SULF1: variants seen among roughly 807,000 people sequenced by gnomAD.
SULF1 encodes the protein extracellular sulfatase Sulf-1.
SULF1 carries 46 observed loss-of-function variants against 110.5 expected under a neutral mutation model. The observed-to-expected ratio is 0.42, with a 90% confidence interval of 0.33 to 0.53. The LOEUF (loss-of-function observed/expected upper bound fraction) is 0.53. SULF1 is among the 20% of genes least tolerant of loss of function. SULF1 has a pLI of 0.12. For synonymous variants in SULF1, 371 were observed against 387.1 expected (o/e 0.96, Z 0.49); for missense variants, 941 against 1,094.2 (o/e 0.86, Z 1.98).
At chr8:69,564,275 G>C in intron 5 of SULF1, 128 bp downstream of exon 5, 1 of 1,118,342 alleles carries the variant, frequency 8.9e-7, no homozygotes. Context: ...CCTAGTTTAC[G>C]CAATGAACTT....
At position 69,640,791 on chromosome 8, in the gene SULF1, G is replaced by C; in HGVS notation, c.2552-17G>C. The C allele has an allele frequency of 1.2e-6, 2 of 1,606,676 alleles. No individual in the cohort carries two copies. Among genetic ancestry groups the C allele is most frequent in the South Asian group, 1.1e-5 (1 of 89,918 alleles). On this transcript the variant is annotated splice_polypyrimidine_tract_variant and intron_variant, in intron 21 of 22. Coordinates refer to ENST00000402687, the MANE Select transcript of SULF1 (RefSeq NM_001128205.2). ...TCTAAAGCTAACAGAAATTACTCTT[G>C]TATTTTCCTATATCAGGAAATAAAG...
chr8:69,562,448 G>A (rs925556504), intron 3 of SULF1, among the ~76,000 whole-genome samples: 4 of 152,180 alleles, frequency 2.6e-5, no homozygotes, highest in Non-Finnish European at 2.9e-5. Context: ...AGATTCTCAG[G>A]TGTATGGGGA....
chr8:69,486,220 G>A (rs1005045263), intron 1 of SULF1, among the ~76,000 whole-genome samples: 7 of 152,176 alleles, frequency 4.6e-5, no homozygotes, highest in Middle Eastern at 3.4e-3. Flanking sequence ...GAAACTGAAC[G>A]ATACCGAGTC....
intron 1 of SULF1, among the ~76,000 whole-genome samples, chr8:69,477,968 C>T (rs556981750): frequency 1.3e-5 from 2 of 151,980 alleles, no homozygotes; most frequent in Non-Finnish European, 1.5e-5. Flanking sequence ...TAGATCCTCC[C>T]ACCTCAGCCT....
chr8:69,560,512 G>C (rs1251663285), intron 3 of SULF1, among the ~76,000 whole-genome samples: 1 of 152,056 alleles, frequency 6.6e-6, no homozygotes, highest in Non-Finnish European at 1.5e-5. Context: ...CTTATATCCT[G>C]GTCTTGACTG....
chr8:69,478,856 C>T (rs939790563), intron 1 of SULF1, among the ~76,000 whole-genome samples: 3 of 152,124 alleles, frequency 2.0e-5, no homozygotes, highest in African/African-American at 7.2e-5. Flanking sequence ...GGTGGTAGAG[C>T]CAGTACATCC....
chr8:69,576,016 G>A lies in SULF1; in HGVS notation c.219G>A (p.Gly73=), dbSNP rs141505559. ...MNKTRKIMEH[G]GATFINAFVT... is the part of the protein sequence containing the mutation. ...AAACGAGAAAGATTATGGAACATGG[G>A]GGGGCCACCTTCATCAATGCCTTTG... The change falls in exon 6 of 23, where the codon GGG becomes GGA. Residue 73 remains glycine (G), a synonymous_variant. Transcript: ENST00000402687. The A allele has an allele frequency of 1.9e-5, 31 of 1,614,060 alleles. No individual in the cohort carries two copies. In the African/African-American group the frequency reaches 3.1e-4, roughly 16 times the overall value.
chr8:69,507,145 A>G (rs895278536), intron 3 of SULF1, among the ~76,000 whole-genome samples: 1 of 152,230 alleles, frequency 6.6e-6, no homozygotes, highest in African/African-American at 2.4e-5. Context: ...CTGGATTCTT[A>G]CAACACCATG....
intron 6 of SULF1, among the ~76,000 whole-genome samples, chr8:69,580,518 T>A (rs1234139909): frequency 6.6e-6 from 1 of 152,190 alleles, no homozygotes. Context: ...AGTTTTCCAA[T>A]CTGTATGATG....
chr8:69,601,496 G>A (rs1807800152), intron 9 of SULF1, among the ~76,000 whole-genome samples, 158 bp from the exon 10 acceptor site: 1 of 152,114 alleles, frequency 6.6e-6, no homozygotes, highest in South Asian at 2.1e-4. Context: ...TTCCCTCCCA[G>A]ACTGTAAGCA....
chr8:69,531,308 A>G (rs1308272846), intron 3 of SULF1, among the ~76,000 whole-genome samples: 6 of 152,198 alleles, frequency 3.9e-5, no homozygotes, highest in African/African-American at 4.8e-5. Flanking sequence ...ACAGTTTTCA[A>G]ATACATTGTT....
In SULF1 at chr8:69,577,427, C is replaced by T. The variant is rs377443664; in HGVS notation, c.412+1218C>T. ...TCAGAAACAGAATCAGAGGCGGTTCCCTAATAACCGGTTCCTGATTTTAAC... is the reference window on the plus strand; with the variant it reads ...TCAGAAACAGAATCAGAGGCGGTTCTCTAATAACCGGTTCCTGATTTTAAC... On this transcript the variant is annotated intron_variant, in intron 6 of 22. Transcript: ENST00000402687. 5.3e-5 allele frequency among the ~76,000 whole-genome samples: 8 copies of T among 152,268 alleles called. No individual in the cohort carries two copies. The South Asian group carries it at 1.5e-3, about 28-fold the overall frequency.
intron 1 of SULF1, among the ~76,000 whole-genome samples, chr8:69,483,188 G>A (rs1041447371): frequency 3.9e-5 from 6 of 152,166 alleles, no homozygotes; most frequent in South Asian, 4.1e-4. Context: ...CCAAGGGAAC[G>A]AGGGAGACTG....
At chr8:69,581,525 T>C (rs1806061434) in intron 6 of SULF1, among the ~76,000 whole-genome samples, 2 of 152,202 alleles carry the variant, frequency 1.3e-5, no homozygotes, top group African/African-American at 2.4e-5. Flanking sequence ...AGGGAAGTGC[T>C]TAATGGTATC....
intron 8 of SULF1, among the ~76,000 whole-genome samples, chr8:69,599,023 C>T (rs1205404339): frequency 1.3e-5 from 2 of 152,120 alleles, no homozygotes; most frequent in Non-Finnish European, 2.9e-5. Context: ...AATATAATAG[C>T]AGGTGGCATT....
chr8:69,484,677 T>G (rs1405146726), intron 1 of SULF1, among the ~76,000 whole-genome samples: 5 of 152,174 alleles, frequency 3.3e-5, no homozygotes, highest in Non-Finnish European at 7.3e-5. Flanking sequence ...CAAAAAGTGA[T>G]GCCCAGGCTC....
intron 3 of SULF1, among the ~76,000 whole-genome samples, chr8:69,547,249 G>A (rs1351125423): frequency 1.3e-5 from 2 of 152,100 alleles, no homozygotes; most frequent in Non-Finnish European, 2.9e-5. Context: ...GTTGTGAAAA[G>A]CAAATTTGAT....
At chr8:69,469,145 C>T (rs1808980686) in intron 1 of SULF1, 1 of 152,234 alleles carries the variant, frequency 6.6e-6, no homozygotes, top group South Asian at 2.1e-4. Flanking sequence ...AGGGCAATCC[C>T]AGCTTCTTGT....
At chr8:69,630,683 G>T (rs1294253258) in intron 19 of SULF1, among the ~76,000 whole-genome samples, 1 of 152,142 alleles carries the variant, frequency 6.6e-6, no homozygotes, top group African/African-American at 2.4e-5. Flanking sequence ...GACAGTAACT[G>T]GGGACGCAAC....
Sources: gnomAD v4.1 joint callset for allele counts (sites outside exome capture counted in the v4.1 genomes callset) on GRCh38, gnomAD v4.1.1 for gene constraint, MANE v1.5 for transcripts, NCBI Gene and HGNC (gene_info 2026-07-23, HGNC 2026-07-21) for gene names.